Variants in AHI1 observed in about 807,000 individuals in gnomAD.
The protein encoded by AHI1 is jouberin.
A neutral mutation model predicts 149.3 loss-of-function variants in AHI1; 123 were observed. The observed-to-expected ratio is 0.82, with a 90% CI of 0.71 to 0.96. AHI1 has a LOEUF of 0.96. AHI1 is among the 40% of genes least tolerant of loss of function. AHI1 has a pLI of 0.00. For synonymous variants in AHI1, 475 were observed against 459.8 expected (o/e 1.03, Z -0.42); for missense variants, 1,439 against 1,422.7 (o/e 1.01, Z -0.18).
At chr6:135,428,365 CATT>C (rs1224035615) in intron 19 of AHI1, among the ~76,000 whole-genome samples, 1 of 151,560 alleles carries the variant, frequency 6.6e-6, no homozygotes, top group Non-Finnish European at 1.5e-5. Flanking sequence ...AGCAATGTCT[CATT>C]ATAGGCCATG....
chr6:135,360,816 T>C (rs1049777589), intron 23 of AHI1, among the ~76,000 whole-genome samples: 5 of 152,110 alleles, frequency 3.3e-5, no homozygotes, highest in African/African-American at 9.7e-5. Flanking sequence ...AATCGACCTA[T>C]CAACAAATAA....
At chr6:135,440,041 A>G (rs868704169) in intron 14 of AHI1, among the ~76,000 whole-genome samples, 1 of 152,210 alleles carries the variant, frequency 6.6e-6, no homozygotes, top group African/African-American at 2.4e-5. Flanking sequence ...TGGTAAGAAC[A>G]TTGAGCTTTA....
chr6:135,332,570 T>C (rs1297960480), intron 24 of AHI1, among the ~76,000 whole-genome samples: 2 of 152,330 alleles, frequency 1.3e-5, no homozygotes, highest in African/African-American at 4.8e-5. Flanking sequence ...AAGTCACTCG[T>C]GCTGAAGTTC....
chr6:135,312,291 T>A (rs957360374), intron 26 of AHI1, among the ~76,000 whole-genome samples: 2 of 152,048 alleles, frequency 1.3e-5, no homozygotes, highest in African/African-American at 4.8e-5. Context: ...GGCAGGCGGA[T>A]CATTTGAGGT....
At chr6:135,337,720 T>C (rs1383299292) in intron 24 of AHI1, among the ~76,000 whole-genome samples, 2 of 150,074 alleles carry the variant, frequency 1.3e-5, no homozygotes, top group African/African-American at 2.5e-5. Context: ...CGTGATGATG[T>C]TGCTACTGCA....
In AHI1 at chr6:135,333,735, G is replaced by A. The variant is rs1788946585; in HGVS notation, c.3166-10411C>T. Among the ~76,000 whole-genome samples the A allele has an allele frequency of 3.9e-5, 6 of 152,092 alleles. 1 individual carries two copies. In the South Asian group the frequency reaches 1.2e-3, roughly 31 times the overall value. On this transcript the variant is annotated intron_variant, in intron 24 of 28. Transcript: ENST00000265602. Reference sequence around the variant, plus strand: ...GAAAGAATACCAAACTAGAAATCAAGAGAATGAGTTTCCAGTCCTGTGTAG... The same window carrying A: ...GAAAGAATACCAAACTAGAAATCAAAAGAATGAGTTTCCAGTCCTGTGTAG...
At chr6:135,496,321 T>C (rs113206945) in intron 2 of AHI1, among the ~76,000 whole-genome samples, 2,015 of 152,212 alleles carry the variant, frequency 0.013, 48 homozygotes, top group African/African-American at 0.046. Context: ...TTCACCAACA[T>C]TGGCCAGGCT....
rs368077581 is a variant in AHI1 at position 135,466,163 on chromosome 6, G to T, written c.400C>A (p.Pro134Thr). 2 of 1,613,832 alleles carry T rather than the reference G, an allele frequency of 1.2e-6. No individual in the cohort carries two copies. The highest frequency in any genetic ancestry group is 1.1e-5 in the South Asian group (1 of 91,070). The change falls in exon 7 of 29, where the codon CCC (proline) becomes ACC (threonine). Residue 134 changes from proline to threonine, a missense_variant. By Grantham distance (38) the Pro-to-Thr change is conservative. Coordinates refer to ENST00000265602, the MANE Select transcript of AHI1 (RefSeq NM_001134831.2). ...TTCAGGTCTTGTGTAGTCAACTGGGGCACCGTCTTTATCACCTTTTTATTT... is the reference window on the plus strand; with the variant it reads ...TTCAGGTCTTGTGTAGTCAACTGGGTCACCGTCTTTATCACCTTTTTATTT... ...KPNKKVIKTV[P>T]QLTTQDLKPE... is the part of the protein sequence containing the mutation.
intron 26 of AHI1, chr6:135,301,106 C>T (rs1006186201): frequency 8.7e-5 from 86 of 985,180 alleles, no homozygotes; most frequent in African/African-American, 2.1e-4. Context: ...CCCTGAGCAT[C>T]GGATACTTCC....
At chr6:135,293,216 A>G (rs1211282249) in intron 27 of AHI1, among the ~76,000 whole-genome samples, 1 of 152,042 alleles carries the variant, frequency 6.6e-6, no homozygotes, top group Non-Finnish European at 1.5e-5. Context: ...ACTCTTAGGA[A>G]AGGGAAACTA....
At chr6:135,361,645 TCACACACACACACACACACACACACACA>T in intron 23 of AHI1, among the ~76,000 whole-genome samples, 1 of 133,902 alleles carries the variant, frequency 7.5e-6, no homozygotes, top group East Asian at 2.2e-4. Context: ...AGGTATGGTT[TCACACACACACACACACACACACACACA>T]CACACACACA....
chr6:135,461,799 C>G (rs1015648763), intron 8 of AHI1, among the ~76,000 whole-genome samples: 2 of 151,850 alleles, frequency 1.3e-5, no homozygotes, highest in Non-Finnish European at 2.9e-5. Context: ...ATAAATCTTA[C>G]AAAATTAACA....
intron 17 of AHI1, among the ~76,000 whole-genome samples, chr6:135,430,788 C>T (rs536618201): frequency 5.3e-5 from 8 of 151,848 alleles, no homozygotes; most frequent in Non-Finnish European, 8.8e-5. Flanking sequence ...TTCATAATAA[C>T]CGCATAACTC....
intron 16 of AHI1, among the ~76,000 whole-genome samples, chr6:135,432,501 T>C (rs1784807142): frequency 6.6e-6 from 1 of 152,028 alleles, no homozygotes; most frequent in Non-Finnish European, 1.5e-5. Flanking sequence ...TACAGGTGCA[T>C]GCCACCACAC....
chr6:135,375,398 C>G (rs924626018), intron 23 of AHI1, among the ~76,000 whole-genome samples: 1 of 151,950 alleles, frequency 6.6e-6, no homozygotes, highest in African/African-American at 2.4e-5. Flanking sequence ...AATATTAACA[C>G]GAGTAGCCAT....
chr6:135,388,783 G>A (rs1321030351), intron 23 of AHI1, among the ~76,000 whole-genome samples: 3 of 151,394 alleles, frequency 2.0e-5, no homozygotes, highest in South Asian at 2.1e-4. Context: ...AGGCTGAGAT[G>A]GGCGGATCAC....
intron 5 of AHI1, among the ~76,000 whole-genome samples, chr6:135,478,553 T>A (rs1793089051): frequency 6.6e-6 from 1 of 152,146 alleles, no homozygotes; most frequent in South Asian, 2.1e-4. Context: ...AAAACTATGC[T>A]CATTTGCATA....
intron 8 of AHI1, among the ~76,000 whole-genome samples, chr6:135,459,340 A>C (rs1789492136): frequency 6.6e-6 from 1 of 152,206 alleles, no homozygotes. Context: ...CAATATTAAA[A>C]ATTTTGGAGA....
Position 135,427,097 on chromosome 6 carries a change from C to G in AHI1, c.2764+70G>C, listed in dbSNP as rs540412037. 12 of 1,460,158 alleles carry G rather than the reference C, an allele frequency of 8.2e-6. No homozygotes were observed. The South Asian group carries it at 1.5e-4, about 19-fold the overall frequency. 90.5% of individuals were successfully genotyped at this position (1,460,158 alleles called of 1,614,324 possible). A position where few individuals can be genotyped will look rare whatever the true frequency, so the allele number is the denominator to read the frequency against. ...CTTTTGTCAACATTTGAATTCCAGA[C>G]AGATTCCTGGTTTAGTCTAAATGTA... is the stretch of plus-strand genomic sequence containing the variant. On this transcript the variant is annotated intron_variant, in intron 20 of 28. Transcript: ENST00000265602.
Sources: allele counts gnomAD v4.1 joint callset (sites outside exome capture counted in the v4.1 genomes callset), GRCh38; gene constraint gnomAD v4.1.1; transcripts MANE v1.5; gene names NCBI Gene and HGNC (gene_info 2026-07-23, HGNC 2026-07-21).